MAPKAP1: variants seen among roughly 807,000 people sequenced by gnomAD.
MAPKAP1 encodes MAPK associated protein 1.
MAPKAP1 carries 20 observed loss-of-function variants against 65.7 expected under a neutral mutation model. The ratio of observed to expected loss-of-function variants is 0.30; its 90% CI spans 0.21 to 0.44. The LOEUF (loss-of-function observed/expected upper bound fraction) is 0.44, where lower values mean the gene tolerates loss of function less well. MAPKAP1 is among the 20% of genes least tolerant of loss of function. The pLI, the probability that MAPKAP1 is intolerant of heterozygous loss-of-function variation, is 1.00. For missense variants in MAPKAP1, 423 were observed against 648.0 expected, an observed-to-expected ratio of 0.65 and a Z score of 3.77; for synonymous variants, 222 against 244.3, an observed-to-expected ratio of 0.91 and a Z score of 0.85.
At chr9:125,451,584 G>A (rs1016198736) in intron 10 of MAPKAP1, among the ~76,000 whole-genome samples, 3 of 152,124 alleles carry the variant, frequency 2.0e-5, no homozygotes, top group Non-Finnish European at 2.9e-5. Flanking sequence ...GTCCAGAACA[G>A]ACATCAGCAT....
rs117248825 is a variant in MAPKAP1, at chr9:125,521,141, A to C, written c.959-14724T>G. On this transcript the variant is annotated intron_variant, in intron 7 of 11. Coordinates refer to ENST00000265960, the MANE Select transcript of MAPKAP1 (RefSeq NM_001006617.3). ...TTGGGAGCCACTGGACAGGAGCCTC[A>C]TATATGCGGTTGTAGGCAGAGAGTG... Among the ~76,000 whole-genome samples the C allele has an allele frequency of 2.2e-4, 33 of 152,328 alleles. No individual in the cohort carries two copies. The East Asian group carries it at 5.8e-3, about 27-fold the overall frequency.
At chr9:125,578,139 C>G (rs1259975883) in intron 5 of MAPKAP1, among the ~76,000 whole-genome samples, 2 of 152,034 alleles carry the variant, frequency 1.3e-5, no homozygotes, top group Non-Finnish European at 2.9e-5. Flanking sequence ...TACCCCCAAC[C>G]CGGTGCTCTC....
At chr9:125,625,222 C>T (rs1259076968) in intron 4 of MAPKAP1, among the ~76,000 whole-genome samples, 1 of 81,246 alleles carries the variant, frequency 1.2e-5, no homozygotes, top group African/African-American at 4.3e-5. Context: ...TGAGAAACAC[C>T]CAAGAATTAT....
chr9:125,447,346 G>C lies in MAPKAP1; in HGVS notation c.1346-2748C>G, dbSNP rs1852754961. 6.6e-6 allele frequency: 3 copies of C among 455,422 alleles called. No individual in the cohort carries two copies. The highest frequency in any genetic ancestry group is 1.3e-5 in the Non-Finnish European group (3 of 226,212). 28.2% of individuals were successfully genotyped at this position (455,422 alleles called of 1,614,324 possible). On this transcript the variant is annotated intron_variant, in intron 10 of 11. Transcript: ENST00000265960. This position sits in a 1 kb window ranked among gnomAD's most constrained non-coding sequence, Gnocchi z 4.5. ...TCACGCCATAGGAGAGGGGAACAGA[G>C]GGCAGAGAACGTTCTGTGGAGCACT...
chr9:125,484,697 G>A (rs986114618), intron 8 of MAPKAP1, 114 bp from the exon 9 acceptor site: 3 of 1,038,400 alleles, frequency 2.9e-6, no homozygotes, highest in African/African-American at 3.2e-5. Flanking sequence ...ATTTGGAGAA[G>A]AAAAGGCTGA....
intron 4 of MAPKAP1, among the ~76,000 whole-genome samples, chr9:125,605,187 TACAA>T (rs1832406055): frequency 1.3e-5 from 2 of 152,240 alleles, no homozygotes; most frequent in South Asian, 2.1e-4. Flanking sequence ...TTCATTATGC[TACAA>T]ACATTTTTTA....
chr9:125,693,910 T>C (rs1835308596), intron 1 of MAPKAP1, among the ~76,000 whole-genome samples: 1 of 151,360 alleles, frequency 6.6e-6, no homozygotes, highest in African/African-American at 2.4e-5. Context: ...GGCTCACACC[T>C]GTAAACCCAG....
intron 7 of MAPKAP1, among the ~76,000 whole-genome samples, chr9:125,526,960 A>G (rs1829787903): frequency 6.6e-6 from 1 of 151,068 alleles, no homozygotes; most frequent in South Asian, 2.1e-4. Context: ...TTTTTAATAG[A>G]GGTAGGGTTT....
chr9:125,545,736 G>T (rs1830403539), intron 6 of MAPKAP1, among the ~76,000 whole-genome samples: 1 of 152,138 alleles, frequency 6.6e-6, no homozygotes, highest in Admixed American at 6.5e-5. Context: ...CCTTTTAAAA[G>T]ATTTTTGAGC....
chr9:125,675,499 G>A (rs1834618141), intron 1 of MAPKAP1, among the ~76,000 whole-genome samples: 1 of 152,152 alleles, frequency 6.6e-6, no homozygotes, highest in African/African-American at 2.4e-5. Flanking sequence ...AACAGCAGCA[G>A]ATATCTTCTC....
chr9:125,462,145 TA>T (rs1422965370), intron 10 of MAPKAP1, among the ~76,000 whole-genome samples: 5 of 152,232 alleles, frequency 3.3e-5, no homozygotes, highest in Admixed American at 2.0e-4. Flanking sequence ...TGTTCTCTGC[TA>T]GAACTACCCA....
intron 4 of MAPKAP1, among the ~76,000 whole-genome samples, chr9:125,610,275 C>G (rs891708512): frequency 1.2e-4 from 18 of 152,142 alleles, no homozygotes; most frequent in African/African-American, 4.1e-4. Context: ...TGTATTTCAA[C>G]CATATGGCAA....
intron 6 of MAPKAP1, among the ~76,000 whole-genome samples, chr9:125,550,357 T>C (rs187950765): frequency 1.3e-5 from 2 of 152,222 alleles, no homozygotes; most frequent in Admixed American, 1.3e-4. Flanking sequence ...TAACTAAACA[T>C]GGCCAAAGGG....
intron 10 of MAPKAP1, among the ~76,000 whole-genome samples, chr9:125,458,813 C>G: frequency 7.3e-6 from 1 of 137,416 alleles, no homozygotes; most frequent in South Asian, 2.5e-4. Flanking sequence ...GCGCCCCTCA[C>G]CTCCCGGACG....
At chr9:125,615,394 A>C (rs531611879) in intron 4 of MAPKAP1, among the ~76,000 whole-genome samples, 2 of 152,280 alleles carry the variant, frequency 1.3e-5, no homozygotes, top group South Asian at 2.1e-4. Flanking sequence ...TGATTTTAAA[A>C]ATGTATATAT....
chr9:125,509,308 G>C (rs975866599), intron 7 of MAPKAP1, among the ~76,000 whole-genome samples: 1 of 152,062 alleles, frequency 6.6e-6, no homozygotes, highest in South Asian at 2.1e-4. Flanking sequence ...TAAAGGAATA[G>C]AGGAAAAAAG....
intron 8 of MAPKAP1, among the ~76,000 whole-genome samples, chr9:125,488,108 T>C (rs1026483357): frequency 2.0e-5 from 3 of 152,216 alleles, no homozygotes; most frequent in African/African-American, 4.8e-5. Context: ...GCTTCTTGCA[T>C]TGACCTTCTA....
At position 125,595,627 on chromosome 9, in the gene MAPKAP1, CA is replaced by C; in HGVS notation, c.499-9901del. The C allele has an allele frequency of 7.1e-7, 1 of 1,416,296 alleles. No individual in the cohort carries two copies. Among genetic ancestry groups the C allele is most frequent in the Non-Finnish European group, 9.2e-7 (1 of 1,086,464 alleles). The allele number at this position is 1,416,296 out of a possible 1,614,324, so 87.7% of individuals were successfully genotyped here. ...CAGCTTACTCCTTTCTGCCTGTGGA[CA>C]CGCCAAGGAAGCATCGTTAAAGTCT... On this transcript the variant is annotated intron_variant, in intron 4 of 11. Transcript: ENST00000265960. The surrounding 1 kb of genome is among the most constrained non-coding windows in gnomAD (Gnocchi z 4.0).
intron 5 of MAPKAP1, among the ~76,000 whole-genome samples, chr9:125,566,917 C>T (rs1317631273): frequency 6.6e-6 from 1 of 152,194 alleles, no homozygotes; most frequent in African/African-American, 2.4e-5. Context: ...AGCAAAGCCA[C>T]CTCAAACTAA....
Sources: allele counts gnomAD v4.1 joint callset (sites outside exome capture counted in the v4.1 genomes callset), GRCh38; gene constraint gnomAD v4.1.1; non-coding constraint Gnocchi (gnomAD v3.1); transcripts MANE v1.5; gene names NCBI Gene and HGNC (gene_info 2026-07-23, HGNC 2026-07-21).